The following MTDH variants were observed in gnomAD, a reference collection of about 807,000 sequenced individuals.
MTDH encodes protein LYRIC.
MTDH carries 34 observed loss-of-function variants against 72.7 expected under a neutral mutation model. That is an observed-to-expected ratio of 0.47 (90% CI 0.36 to 0.62). The LOEUF (loss-of-function observed/expected upper bound fraction) is 0.62, where lower values mean the gene tolerates loss of function less well. MTDH is among the 20% of genes least tolerant of loss of function. MTDH has a pLI of 0.00. For synonymous variants in MTDH, 266 were observed against 268.9 expected (o/e 0.99, Z 0.10); for missense variants, 677 against 699.4 (o/e 0.97, Z 0.36).
At chr8:97,711,624 A>G (rs2131062573) in intron 8 of MTDH, among the ~76,000 whole-genome samples, 1 of 152,088 alleles carries the variant, frequency 6.6e-6, no homozygotes, top group South Asian at 2.1e-4. Flanking sequence ...ACCGCTCCCC[A>G]CCTCCACTTA....
rs1190434599 is a variant in MTDH at position 97,699,798 on chromosome 8, C to A, written c.1093C>A (p.Gln365Lys). Residue 365 changes from glutamine to lysine, a missense_variant, in exon 7 of 12, where the codon CAG becomes AAG. By Grantham distance (53) the Gln-to-Lys change is moderately conservative (BLOSUM62 1). Coordinates refer to ENST00000336273, the MANE Select transcript of MTDH (RefSeq NM_178812.4). ...PVSQSTTSDY[Q>K]WDVSRNQPYI... ...TTCTCAGTCTACCACTTCTGATTAT[C>A]AGTGGGATGTTAGCCGTAATCAACC... 6.2e-7 allele frequency: 1 copy of A among 1,613,238 alleles called. No individual in the cohort carries two copies. The highest frequency in any genetic ancestry group is 8.5e-7 in the Non-Finnish European group (1 of 1,179,376).
chr8:97,656,826 C>T (rs1230043786), intron 1 of MTDH, among the ~76,000 whole-genome samples: 1 of 151,520 alleles, frequency 6.6e-6, no homozygotes, highest in East Asian at 2.0e-4. Flanking sequence ...ATAGCGGAAC[C>T]CGCTCTCTAC....
chr8:97,716,549 G>A (rs116261461), intron 9 of MTDH, among the ~76,000 whole-genome samples: 3,816 of 152,036 alleles, frequency 0.025, 105 homozygotes, highest in African/African-American at 0.061. Flanking sequence ...TTAGCCGCAC[G>A]TGGTAGCTGG....
chr8:97,690,893 T>C (rs1207429632), intron 5 of MTDH, 59 bp from the exon 6 acceptor site: 58 of 1,183,302 alleles, frequency 4.9e-5, no homozygotes, highest in Non-Finnish European at 6.6e-5. Flanking sequence ...AATGTGAAAA[T>C]ATCCCAGTTT....
At chr8:97,681,524 G>A (rs1046741327) in intron 2 of MTDH, among the ~76,000 whole-genome samples, 1 of 121,164 alleles carries the variant, frequency 8.3e-6, no homozygotes, top group Non-Finnish European at 1.6e-5. Flanking sequence ...ATGGAATTTC[G>A]CTCTTGTTAC....
At chr8:97,691,471 CATGTA>C (rs1188973858) in intron 6 of MTDH, among the ~76,000 whole-genome samples, 1 of 152,122 alleles carries the variant, frequency 6.6e-6, no homozygotes. Context: ...TGATGTGATA[CATGTA>C]ATGTGTGGGT....
At chr8:97,722,165 G>T (rs185936150) in intron 10 of MTDH, among the ~76,000 whole-genome samples, 1 of 152,298 alleles carries the variant, frequency 6.6e-6, no homozygotes, top group Non-Finnish European at 1.5e-5. Flanking sequence ...TCAGGAGGTT[G>T]AAGTGGGAGG....
intron 1 of MTDH, among the ~76,000 whole-genome samples, chr8:97,650,843 C>T (rs1174040257): frequency 6.6e-6 from 1 of 152,204 alleles, no homozygotes; most frequent in Non-Finnish European, 1.5e-5. Context: ...GATCCTCCCA[C>T]CTCAGCCTCC....
intron 10 of MTDH, among the ~76,000 whole-genome samples, chr8:97,721,595 A>G (rs982094879): frequency 2.6e-5 from 4 of 152,234 alleles, no homozygotes; most frequent in Non-Finnish European, 5.9e-5. Flanking sequence ...GAGAAGCATT[A>G]CTTACCCTTC....
Position 97,678,594 on chromosome 8 carries a change from C to CTTTTTTTTTTTTTTTTTTTTTTTT in MTDH, c.484-8073_484-8050dup, listed in dbSNP as rs35895126. The stretch of plus-strand genomic sequence containing the variant: ...GTTTCCTTTGCTTCCTTCCTTCCTT[C>CTTTTTTTTTTTTTTTTTTTTTTTT]TTTTTTTTTTTTTTTTTTTTTTTTG... On this transcript the variant is annotated intron_variant, in intron 2 of 11. Transcript: ENST00000336273. 3.5e-5 allele frequency among the ~76,000 whole-genome samples: 3 copies of CTTTTTTTTTTTTTTTTTTTTTTTT among 85,312 alleles called. 1 individual carries two copies. The highest frequency in any genetic ancestry group is 4.1e-4 in the East Asian group (1 of 2,436). 56.0% of individuals were successfully genotyped at this position (85,312 alleles called of 152,430 possible).
At chr8:97,723,698 A>C (rs1215005820) in intron 11 of MTDH, among the ~76,000 whole-genome samples, 3 of 147,576 alleles carry the variant, frequency 2.0e-5, no homozygotes, top group African/African-American at 2.5e-5. Context: ...AGCCGAGATC[A>C]TGCCACTGCA....
At chr8:97,665,333 T>C (rs1586216431) in intron 2 of MTDH, among the ~76,000 whole-genome samples, 1 of 152,288 alleles carries the variant, frequency 6.6e-6, no homozygotes, top group East Asian at 1.9e-4. Context: ...AGGTCCTTAT[T>C]TGGGTTTGAA....
intron 11 of MTDH, 65 bp from the exon 12 acceptor site, chr8:97,724,535 T>G: frequency 3.7e-6 from 4 of 1,069,074 alleles, no homozygotes; most frequent in Non-Finnish European, 4.1e-6. Context: ...TTTATATTAT[T>G]GAGACGTAAC....
At chr8:97,722,061 G>A (rs1176188473) in intron 10 of MTDH, among the ~76,000 whole-genome samples, 1 of 152,176 alleles carries the variant, frequency 6.6e-6, no homozygotes, top group Admixed American at 6.5e-5. Context: ...TTTTTGAAGC[G>A]TTCTGAGTTG....
chr8:97,720,948 C>G (rs974280779), intron 10 of MTDH, among the ~76,000 whole-genome samples: 3 of 152,000 alleles, frequency 2.0e-5, no homozygotes, highest in Non-Finnish European at 2.9e-5. Context: ...GCCACCACGC[C>G]CGGCCTCTGT....
At chr8:97,650,334 G>A (rs1811721071) in intron 1 of MTDH, among the ~76,000 whole-genome samples, 1 of 151,010 alleles carries the variant, frequency 6.6e-6, no homozygotes, top group African/African-American at 2.4e-5. Flanking sequence ...GAGTGCAGTG[G>A]CGTAATCTTG....
rs1225890917 is a variant in MTDH at position 97,644,701 on chromosome 8, T to G, written c.195T>G (p.Phe65Leu). Reference protein sequence around the residue: ...GTGALGLLLLFLLGYGWAAAC... With the variant: ...GTGALGLLLLLLLGYGWAAAC... ...GCGCGCTCGGGCTGCTGCTGCTGTT[T>G]CTGCTGGGCTACGGCTGGGCCGCGG... Residue 65 changes from phenylalanine to leucine, a missense_variant, in exon 1 of 12, where the codon TTT becomes TTG. Physicochemically the swap from Phe to Leu is conservative, Grantham distance 22. Transcript: ENST00000336273. 6.2e-7 allele frequency: 1 copy of G among 1,601,812 alleles called. No homozygotes were observed. The highest frequency in any genetic ancestry group is 8.5e-7 in the Non-Finnish European group (1 of 1,176,270).
Position 97,723,019 on chromosome 8 carries a change from TGTGCCTCCTTCACA to T in MTDH, c.1664_1677del (p.Val555AspfsTer4). On this transcript the variant is annotated frameshift_variant and splice_region_variant, in exon 11 of 12. Transcript: ENST00000336273. LOFTEE classifies it high-confidence loss of function. The stretch of plus-strand genomic sequence containing the variant: ...CCAAGTCAAATACCAAGCAAAATAG[TGTGCCTCCTTCACA>T]GAGTAAGTAATCCTCATTTTTTGTT... 1 of 1,613,918 alleles carries T rather than the reference TGTGCCTCCTTCACA, an allele frequency of 6.2e-7. No individual in the cohort carries two copies. The highest frequency in any genetic ancestry group is 8.5e-7 in the Non-Finnish European group (1 of 1,179,916).
At chr8:97,664,173 T>C (rs760283643) in intron 2 of MTDH, among the ~76,000 whole-genome samples, 15 of 152,152 alleles carry the variant, frequency 9.9e-5, no homozygotes, top group East Asian at 1.9e-4. Context: ...CTGGTCAACA[T>C]GGTGAAACCC....
Sources: gnomAD v4.1 joint callset for allele counts (sites outside exome capture counted in the v4.1 genomes callset) on GRCh38, gnomAD v4.1.1 for gene constraint, MANE v1.5 for transcripts, NCBI Gene and HGNC (gene_info 2026-07-23, HGNC 2026-07-21) for gene names.